The following CRHR1 variants were observed in gnomAD, a reference collection of about 807,000 sequenced individuals.
CRHR1 encodes corticotropin releasing hormone receptor 1, also known as corticotropin-releasing hormone receptor 1.
In CRHR1, 28 loss-of-function variants were observed where a neutral mutation model predicts 56.0. The observed-to-expected ratio is 0.50, with a 90% CI of 0.37 to 0.69. The LOEUF (loss-of-function observed/expected upper bound fraction) is 0.69, where lower values mean the gene tolerates loss of function less well. CRHR1 is among the 30% of genes least tolerant of loss of function. The pLI, the probability that CRHR1 is intolerant of heterozygous loss-of-function variation, is 0.00. For missense variants in CRHR1, 376 were observed against 548.0 expected, an observed-to-expected ratio of 0.69 and a Z score of 3.13; for synonymous variants, 195 against 216.5, an observed-to-expected ratio of 0.90 and a Z score of 0.87.
rs765305113 is a variant in CRHR1, at chr17:45,807,071, G to A, written c.95G>A (p.Ser32Asn). ...TCCCTCCAGGACCAGCACTGCGAGA[G>A]CCTGTCCCTGGCCAGCAACATCTCA... The part of the protein sequence containing the change: ...SASLQDQHCE[S>N]LSLASNISGL... The change falls in exon 2 of 13, where the codon AGC (serine) becomes AAC (asparagine). Residue 32 changes from serine to asparagine, a missense_variant. By Grantham distance (46) the Ser-to-Asn change is conservative (BLOSUM62 1). Coordinates refer to ENST00000314537, the MANE Select transcript of CRHR1 (RefSeq NM_004382.5). 6.2e-7 allele frequency: 1 copy of A among 1,614,080 alleles called. No homozygotes were observed. Among genetic ancestry groups the A allele is most frequent in the South Asian group, 1.1e-5 (1 of 91,056 alleles).
chr17:45,833,624 T>TC, intron 10 of CRHR1, 87 bp downstream of exon 10: 1 of 1,590,898 alleles, frequency 6.3e-7, no homozygotes, highest in Non-Finnish European at 8.6e-7. Flanking sequence ...TGCCACTCCC[T>TC]CCCCCGACCT....
chr17:45,801,220 C>G (rs1018267945), intron 1 of CRHR1, among the ~76,000 whole-genome samples: 6 of 152,344 alleles, frequency 3.9e-5, no homozygotes, highest in African/African-American at 1.4e-4. Context: ...CCCCACTGCC[C>G]ATCCCTTCTT....
At chr17:45,813,270 C>G (rs1158894236) in intron 2 of CRHR1, among the ~76,000 whole-genome samples, 1 of 152,210 alleles carries the variant, frequency 6.6e-6, no homozygotes, top group Non-Finnish European at 1.5e-5. Flanking sequence ...AACTCCACTC[C>G]GCGGCTGAGG....
intron 1 of CRHR1, among the ~76,000 whole-genome samples, chr17:45,805,824 C>T (rs1019436947): frequency 6.6e-6 from 1 of 152,158 alleles, no homozygotes; most frequent in African/African-American, 2.4e-5. Context: ...ACAGCCACCT[C>T]TCCTCCAACA....
intron 4 of CRHR1, among the ~76,000 whole-genome samples, chr17:45,823,307 C>T (rs536965631): frequency 6.6e-6 from 1 of 151,768 alleles, no homozygotes; most frequent in South Asian, 2.1e-4. Flanking sequence ...GTGAGAAACT[C>T]TAATCTAGTG....
In CRHR1 at chr17:45,792,712, C is replaced by A. The variant is rs2061448466; in HGVS notation, c.33+8135C>A. On this transcript the variant is annotated intron_variant, in intron 1 of 12. Coordinates refer to ENST00000314537, the MANE Select transcript of CRHR1 (RefSeq NM_004382.5). ...TTCCTTTGTTCTCACCTCATCCCGT[C>A]CCCTGGTGTGAGCCTCTAGCTCATC... 3.3e-5 allele frequency among the ~76,000 whole-genome samples: 5 copies of A among 152,320 alleles called. No homozygotes were observed. The South Asian group carries it at 1.0e-3, about 32-fold the overall frequency.
In CRHR1 at chr17:45,784,589, C is replaced by T; in HGVS notation, c.33+12C>T. ...TCCGTCTCGTCAAGGTAACAGCCCG[C>T]CGGCCATCCCTCGAGCGCTGGCGCC... On this transcript the variant is annotated intron_variant, in intron 1 of 12. Coordinates refer to ENST00000314537, the MANE Select transcript of CRHR1 (RefSeq NM_004382.5). The surrounding 1 kb of genome is among the most constrained non-coding windows in gnomAD (Gnocchi z 4.2). 1.9e-6 allele frequency: 3 copies of T among 1,546,766 alleles called. No individual in the cohort carries two copies. The highest frequency in any genetic ancestry group is 2.5e-5 in the East Asian group (1 of 39,962).
intron 8 of CRHR1, 134 bp from the exon 9 acceptor site, chr17:45,833,004 T>C: frequency 1.3e-6 from 1 of 757,242 alleles, no homozygotes; most frequent in East Asian, 2.5e-5. Flanking sequence ...CTTGACCTTC[T>C]GCCAGGGTTG....
chr17:45,816,396 G>C, intron 2 of CRHR1, 67 bp from the exon 3 acceptor site: 1 of 1,595,732 alleles, frequency 6.3e-7, no homozygotes, highest in African/African-American at 1.3e-5. Context: ...ACTCTGGAAT[G>C]TCCTCTGCCT....
intron 2 of CRHR1, among the ~76,000 whole-genome samples, chr17:45,808,780 C>G (rs748136460): frequency 2.0e-5 from 3 of 152,148 alleles, no homozygotes; most frequent in Non-Finnish European, 2.9e-5. Context: ...TCCTGAGAAG[C>G]TAGGACTACG....
chr17:45,813,285 TG>T (rs1227625436), intron 2 of CRHR1, among the ~76,000 whole-genome samples: 2 of 152,190 alleles, frequency 1.3e-5, no homozygotes, highest in Non-Finnish European at 2.9e-5. Flanking sequence ...CTGAGGCCCT[TG>T]TGCCTTTGGC....
chr17:45,796,884 C>T (rs1045404916), intron 1 of CRHR1, among the ~76,000 whole-genome samples: 1 of 151,984 alleles, frequency 6.6e-6, no homozygotes, highest in African/African-American at 2.4e-5. Flanking sequence ...GGCAGGAGGC[C>T]GAGAAGGCAC....
At chr17:45,829,547 T>C (rs2062244847) in intron 5 of CRHR1, 1 of 1,545,872 alleles carries the variant, frequency 6.5e-7, no homozygotes, top group Admixed American at 2.0e-5. Flanking sequence ...TTGTCTTATG[T>C]CACCCATACC....
chr17:45,822,299 A>G (rs1047460965), intron 4 of CRHR1, among the ~76,000 whole-genome samples: 1 of 152,248 alleles, frequency 6.6e-6, no homozygotes. Context: ...TGCTGCTGCA[A>G]TGAATAATCT....
chr17:45,833,699 C>CCCCCCCCCCCCCCG lies in CRHR1; in HGVS notation c.930-13_930-12insCCCCCCCCCCCGCC. On this transcript the variant is annotated splice_polypyrimidine_tract_variant and intron_variant, in intron 10 of 12. Transcript: ENST00000314537. ...TGGGCTGTGACTCCGAGCCTCCCCACCCGCCCCACCCCAGGAAGGCTGTGA... is the reference window on the plus strand; with the variant it reads ...TGGGCTGTGACTCCGAGCCTCCCCACCCCCCCCCCCCCCGCCGCCCCACCCCAGGAAGGCTGTGA... 1 of 717,304 alleles carries CCCCCCCCCCCCCCG rather than the reference C, an allele frequency of 1.4e-6. No homozygotes were observed. Among genetic ancestry groups the CCCCCCCCCCCCCCG allele is most frequent in the African/African-American group, 1.8e-5 (1 of 55,152 alleles). The allele number at this position is 717,304 out of a possible 1,614,324, so 44.4% of individuals were successfully genotyped here.
chr17:45,808,100 C>G (rs987384435), intron 2 of CRHR1, among the ~76,000 whole-genome samples: 36 of 152,192 alleles, frequency 2.4e-4, no homozygotes, highest in African/African-American at 2.9e-4. Flanking sequence ...TCATGAAGCA[C>G]CTACTACACA....
At chr17:45,830,810 A>G (rs2062289243) in intron 7 of CRHR1, 70 bp from the exon 8 acceptor site, 4 of 1,497,158 alleles carry the variant, frequency 2.7e-6, no homozygotes, top group Non-Finnish European at 3.7e-6. Flanking sequence ...CCTGGGCTGC[A>G]CTGGGGTTCT....
intron 12 of CRHR1, 29 bp downstream of exon 12, chr17:45,834,077 T>C (rs1876829): frequency 0.19 from 300,958 of 1,606,986 alleles, 32,538 homozygotes; most frequent in Non-Finnish European, 0.22. Flanking sequence ...TGCAGCGGGG[T>C]TCAGGGCTGT....
At chr17:45,816,649 G>T (rs574439783) in intron 3 of CRHR1, 67 bp downstream of exon 3, 55 of 1,602,884 alleles carry the variant, frequency 3.4e-5, no homozygotes, top group Middle Eastern at 3.3e-4. Context: ...GCTTGGAGGT[G>T]GGGGAAGGAA....
Sources: allele counts gnomAD v4.1 joint callset (sites outside exome capture counted in the v4.1 genomes callset), GRCh38; gene constraint gnomAD v4.1.1; non-coding constraint Gnocchi (gnomAD v3.1); transcripts MANE v1.5; gene names NCBI Gene and HGNC (gene_info 2026-07-23, HGNC 2026-07-21).